RCOR1: variants seen among roughly 807,000 people sequenced by gnomAD.
The protein encoded by RCOR1 is REST corepressor 1.
A neutral mutation model predicts 64.0 loss-of-function variants in RCOR1; 12 were observed. The observed-to-expected ratio is 0.19, with a 90% CI of 0.12 to 0.30. The LOEUF (loss-of-function observed/expected upper bound fraction) is 0.30, where lower values mean the gene tolerates loss of function less well. Among genes scored for constraint, RCOR1 ranks in the 10% least tolerant of loss-of-function variants. The probability of loss-of-function intolerance (pLI) is 1.00; values close to 1 mark genes in which losing one functional copy is unlikely to be tolerated. For missense variants in RCOR1, 502 were observed against 621.2 expected (o/e 0.81, Z 2.04); for synonymous variants, 279 against 227.2 (o/e 1.23, Z -2.05).
At chr14:102,694,825 A>G (rs534886686) in intron 3 of RCOR1, among the ~76,000 whole-genome samples, 8 of 152,392 alleles carry the variant, frequency 5.2e-5, no homozygotes, top group East Asian at 1.9e-4. Flanking sequence ...ATAATAAAAG[A>G]TGCCACAATA....
chr14:102,620,564 CA>C (rs1221734852), intron 2 of RCOR1, among the ~76,000 whole-genome samples: 2 of 151,856 alleles, frequency 1.3e-5, no homozygotes, highest in Middle Eastern at 3.4e-3. Flanking sequence ...AACCGTCTCA[CA>C]AAAAAAATTA....
chr14:102,630,945 T>C (rs1405709742), intron 2 of RCOR1, among the ~76,000 whole-genome samples: 1 of 152,116 alleles, frequency 6.6e-6, no homozygotes, highest in East Asian at 1.9e-4. Context: ...TCTTGGTTAC[T>C]GTGTAGTCTC....
Position 102,729,087 on chromosome 14 carries a change from A to G in RCOR1, c.*2581A>G, listed in dbSNP as rs1595250481. ...AGCTTTGTCTTCTTAAAAATTATCA[A>G]TGTGAATGTCATAATTATATATATT... On this transcript the variant is annotated 3_prime_UTR_variant, in exon 12 of 12. Coordinates refer to ENST00000262241, the MANE Select transcript of RCOR1 (RefSeq NM_015156.4). 6.6e-6 allele frequency: 1 copy of G among 152,648 alleles called. No individual in the cohort carries two copies. 9.5% of individuals were successfully genotyped at this position (152,648 alleles called of 1,614,324 possible).
Position 102,662,485 on chromosome 14 carries a change from A to G in RCOR1, c.362-19410A>G, listed in dbSNP as rs909116384. On this transcript the variant is annotated intron_variant, in intron 2 of 11. Coordinates refer to ENST00000262241, the MANE Select transcript of RCOR1 (RefSeq NM_015156.4). ...CAGTGGTCAGCGGCAACTTGATGAT[A>G]ATATGGTGGTCAAGCTTGTTTCTCC... 31 of 531,548 alleles carry G rather than the reference A, an allele frequency of 5.8e-5. 1 individual carries two copies. Among genetic ancestry groups the G allele is most frequent in the Admixed American group, 1.5e-4 (8 of 51,824 alleles). 32.9% of individuals were successfully genotyped at this position (531,548 alleles called of 1,614,324 possible).
intron 7 of RCOR1, among the ~76,000 whole-genome samples, chr14:102,712,837 C>G (rs1281818407): frequency 1.3e-5 from 2 of 150,706 alleles, no homozygotes; most frequent in Non-Finnish European, 2.9e-5. Flanking sequence ...TTGCTATTTA[C>G]TAGGTTTTTC....
chr14:102,666,278 A>G (rs1311915042), intron 2 of RCOR1, among the ~76,000 whole-genome samples: 2 of 152,368 alleles, frequency 1.3e-5, no homozygotes, highest in South Asian at 2.1e-4. Context: ...AGGGTCTTGC[A>G]TGCCATGGGT....
chr14:102,680,510 A>C (rs977400472), intron 2 of RCOR1, among the ~76,000 whole-genome samples: 15 of 152,168 alleles, frequency 9.9e-5, no homozygotes, highest in African/African-American at 3.6e-4. Context: ...ATATATCTAT[A>C]AAAAAGGTAT....
At chr14:102,652,516 C>A (rs1047614915) in intron 2 of RCOR1, among the ~76,000 whole-genome samples, 4 of 152,100 alleles carry the variant, frequency 2.6e-5, no homozygotes, top group African/African-American at 9.7e-5. Context: ...TTATTTGTTT[C>A]TTTTAAGCTT....
At chr14:102,617,922 A>G (rs1339002717) in intron 2 of RCOR1, among the ~76,000 whole-genome samples, 2 of 141,156 alleles carry the variant, frequency 1.4e-5, no homozygotes, top group Admixed American at 1.4e-4. Context: ...GAACACAGTA[A>G]TTTTTCTCTT....
Position 102,675,468 on chromosome 14 carries a change from T to A in RCOR1, c.362-6427T>A, listed in dbSNP as rs114291502. On this transcript the variant is annotated intron_variant, in intron 2 of 11. Coordinates refer to ENST00000262241, the MANE Select transcript of RCOR1 (RefSeq NM_015156.4). ...CAACATCGCCAATACTTTGGGGCTGTTAGTAAGTAAAATACAGGGGACTTG... is the reference window on the plus strand; with the variant it reads ...CAACATCGCCAATACTTTGGGGCTGATAGTAAGTAAAATACAGGGGACTTG... Among the ~76,000 whole-genome samples the A allele has an allele frequency of 3.2e-3, 490 of 152,300 alleles. 4 individuals are homozygous for A. The highest frequency in any genetic ancestry group is 0.011 in the African/African-American group (438 of 41,564).
In RCOR1 at chr14:102,714,527, A is replaced by G. The variant is rs758876123; in HGVS notation, c.963A>G (p.Gln321=). The G allele has an allele frequency of 3.3e-5, 54 of 1,614,052 alleles. No homozygotes were observed. The Admixed American group carries it at 7.3e-4, about 22-fold the overall frequency. ...CTCCAAAAGGAATGTTTCTTTCTCA[A>G]GAAGATGTGGAGGCTGTTTCTGCCA... ...RKPPKGMFLS[Q]EDVEAVSANA... is the part of the protein sequence containing the mutation. The change falls in exon 8 of 12, where the codon CAA becomes CAG. Residue 321 remains glutamine, a synonymous_variant. Coordinates refer to ENST00000262241, the MANE Select transcript of RCOR1 (RefSeq NM_015156.4).
Position 102,627,432 on chromosome 14 carries a change from G to A in RCOR1, c.361+34107G>A, listed in dbSNP as rs532987450. ...AACACTTTGGGAGGCCAAGGCTGGC[G>A]GATCACCTGAGGTCAGGAGATTGAG... On this transcript the variant is annotated intron_variant, in intron 2 of 11. Transcript: ENST00000262241. 2.0e-5 allele frequency among the ~76,000 whole-genome samples: 3 copies of A among 152,250 alleles called. No individual in the cohort carries two copies. In the South Asian group the frequency reaches 6.2e-4, roughly 32 times the overall value.
chr14:102,721,128 T>A, intron 9 of RCOR1, 44 bp downstream of exon 9: 3 of 1,267,386 alleles, frequency 2.4e-6, no homozygotes, highest in Non-Finnish European at 3.4e-6. Context: ...ATTCAAGTTT[T>A]ACATGTTTAA....
chr14:102,636,080 C>T (rs987158684), intron 2 of RCOR1, among the ~76,000 whole-genome samples: 3 of 151,918 alleles, frequency 2.0e-5, no homozygotes, highest in Non-Finnish European at 2.9e-5. Flanking sequence ...CTACAGGCAC[C>T]TGCCACCACA....
chr14:102,637,118 T>A (rs1472083535), intron 2 of RCOR1, among the ~76,000 whole-genome samples: 2 of 150,966 alleles, frequency 1.3e-5, no homozygotes, highest in Non-Finnish European at 2.9e-5. Context: ...TTTGTTTGTT[T>A]GTTTGTTTTT....
intron 2 of RCOR1, among the ~76,000 whole-genome samples, chr14:102,636,093 C>T (rs756335930): frequency 5.9e-5 from 9 of 151,850 alleles, no homozygotes; most frequent in Non-Finnish European, 8.8e-5. Flanking sequence ...CCACCACACC[C>T]GGCTAATTTT....
chr14:102,613,519 G>A (rs1225186752), intron 2 of RCOR1, among the ~76,000 whole-genome samples: 1 of 146,598 alleles, frequency 6.8e-6, no homozygotes, highest in Non-Finnish European at 1.5e-5. Context: ...TGCAAGCTCC[G>A]CCTTCCGGGT....
Position 102,722,514 on chromosome 14 carries a change from G to A in RCOR1, c.1419+98G>A, listed in dbSNP as rs1374750319. On this transcript the variant is annotated intron_variant, in intron 11 of 11. Coordinates refer to ENST00000262241, the MANE Select transcript of RCOR1 (RefSeq NM_015156.4). ...TTTTTTCAGCTATAGAGATTTTTAG[G>A]TATCAGCTGTATTAGTAACTTCACT... 7 of 909,782 alleles carry A rather than the reference G, an allele frequency of 7.7e-6. No individual in the cohort carries two copies. The East Asian group carries it at 1.3e-4, about 16-fold the overall frequency. The allele number at this position is 909,782 out of a possible 1,614,324, so 56.4% of individuals were successfully genotyped here.
At chr14:102,690,975 A>T (rs575132692) in intron 3 of RCOR1, among the ~76,000 whole-genome samples, 46 of 152,262 alleles carry the variant, frequency 3.0e-4, no homozygotes, top group African/African-American at 8.2e-4. Flanking sequence ...CTTTTCTGCC[A>T]TTTGCTCTGT....
Sources: gnomAD v4.1 joint callset for allele counts (sites outside exome capture counted in the v4.1 genomes callset) on GRCh38, gnomAD v4.1.1 for gene constraint, MANE v1.5 for transcripts, NCBI Gene and HGNC (gene_info 2026-07-23, HGNC 2026-07-21) for gene names.